PITPNC1: variants seen among roughly 807,000 people sequenced by gnomAD.
The protein encoded by PITPNC1 is cytoplasmic phosphatidylinositol transfer protein 1.
Under a neutral mutation model 44.7 loss-of-function variants are expected in PITPNC1, and 18 were observed. The observed-to-expected ratio is 0.40, with a 90% CI of 0.28 to 0.60. PITPNC1 has a LOEUF of 0.60. Ranked by LOEUF, PITPNC1 falls within the 20% of genes least tolerant of loss-of-function variation. PITPNC1 has a pLI of 0.39. For missense variants in PITPNC1, 290 were observed against 418.4 expected, an observed-to-expected ratio of 0.69 and a Z score of 2.68; for synonymous variants, 141 against 149.6, an observed-to-expected ratio of 0.94 and a Z score of 0.42.
At chr17:67,391,554 C>T (rs2038139643) in intron 1 of PITPNC1, among the ~76,000 whole-genome samples, 1 of 152,088 alleles carries the variant, frequency 6.6e-6, no homozygotes, top group Non-Finnish European at 1.5e-5. Flanking sequence ...GATCTTGGCT[C>T]ACTGCAACCT....
chr17:67,655,565 A>AG (rs2042255852), intron 6 of PITPNC1, among the ~76,000 whole-genome samples: 1 of 139,140 alleles, frequency 7.2e-6, no homozygotes, highest in Admixed American at 8.1e-5. Flanking sequence ...TCTCAAAAAA[A>AG]AAAAAAAAAA....
intron 6 of PITPNC1, among the ~76,000 whole-genome samples, chr17:67,651,507 C>T (rs1016101387): frequency 5.5e-5 from 8 of 144,670 alleles, no homozygotes; most frequent in East Asian, 4.1e-4. Flanking sequence ...AATGAGACTC[C>T]GTCTAAAAAA....
chr17:67,430,718 C>T (rs1364190407), intron 1 of PITPNC1, among the ~76,000 whole-genome samples: 1 of 151,300 alleles, frequency 6.6e-6, no homozygotes, highest in Non-Finnish European at 1.5e-5. Context: ...ACTTGGGAGG[C>T]TGAGGTGGGA....
chr17:67,503,626 G>A (rs1056823242), intron 1 of PITPNC1, among the ~76,000 whole-genome samples: 2 of 152,114 alleles, frequency 1.3e-5, no homozygotes, highest in Admixed American at 6.6e-5. Context: ...ATCACAAAGC[G>A]ATTACCCAGT....
intron 1 of PITPNC1, among the ~76,000 whole-genome samples, chr17:67,470,576 TG>T (rs149004177): frequency 2.6e-5 from 4 of 151,248 alleles, no homozygotes; most frequent in African/African-American, 7.3e-5. Context: ...GGGAGGGAGG[TG>T]GGGGGGGTCA....
intron 1 of PITPNC1, among the ~76,000 whole-genome samples, chr17:67,437,075 A>G (rs2038948805): frequency 6.6e-6 from 1 of 151,508 alleles, no homozygotes; most frequent in South Asian, 2.1e-4. Flanking sequence ...TTGCACCACC[A>G]TGGCTGGCTA....
In PITPNC1 at chr17:67,502,104, G is replaced by A. The variant is rs568350042; in HGVS notation, c.49-30698G>A. ...GTTGTAGTTGAAGCACATTAGATGT[G>A]TCTTCGTGTTCTGCACTCTGAAGAC... is the stretch of plus-strand genomic sequence containing the variant. On this transcript the variant is annotated intron_variant, in intron 1 of 8. Transcript: ENST00000581322. Among the ~76,000 whole-genome samples, 13 of 152,318 alleles carry A rather than the reference G, an allele frequency of 8.5e-5. No homozygotes were observed. In the East Asian group the frequency reaches 1.7e-3, roughly 20 times the overall value.
intron 1 of PITPNC1, among the ~76,000 whole-genome samples, chr17:67,403,914 T>C (rs2038359479): frequency 6.6e-6 from 1 of 152,000 alleles, no homozygotes; most frequent in South Asian, 2.1e-4. Context: ...CCCAGCTACT[T>C]GGGAGGCTGA....
intron 1 of PITPNC1, among the ~76,000 whole-genome samples, chr17:67,411,090 A>AG: frequency 6.6e-6 from 1 of 151,952 alleles, no homozygotes; most frequent in South Asian, 2.1e-4. Context: ...CTCAAAAAAA[A>AG]AAAAAAAATA....
intron 1 of PITPNC1, among the ~76,000 whole-genome samples, chr17:67,379,624 C>T (rs1213879370): frequency 6.6e-6 from 1 of 152,086 alleles, no homozygotes; most frequent in Non-Finnish European, 1.5e-5. Context: ...AGTGGAGAAG[C>T]AGGACATAGC....
At chr17:67,475,599 G>A (rs2039614945) in intron 1 of PITPNC1, among the ~76,000 whole-genome samples, 1 of 152,186 alleles carries the variant, frequency 6.6e-6, no homozygotes, top group African/African-American at 2.4e-5. Flanking sequence ...TTGGTGGCTG[G>A]CAGAACTGAT....
chr17:67,473,838 G>A (rs1325736128), intron 1 of PITPNC1, among the ~76,000 whole-genome samples: 1 of 152,132 alleles, frequency 6.6e-6, no homozygotes, highest in Non-Finnish European at 1.5e-5. Flanking sequence ...AGTGGACCCT[G>A]CCTGCAGCTA....
chr17:67,462,133 G>C lies in PITPNC1; in HGVS notation c.49-70669G>C, dbSNP rs576895320. The stretch of plus-strand genomic sequence containing the variant: ...GTTTATTTGCTTGGTCCTTTGAACA[G>C]GAAGAGAGTTATGTTTATTATGGGT... On this transcript the variant is annotated intron_variant, in intron 1 of 8. Transcript: ENST00000581322. 9.2e-5 allele frequency among the ~76,000 whole-genome samples: 14 copies of C among 151,506 alleles called. No homozygotes were observed. The East Asian group carries it at 2.5e-3, about 27-fold the overall frequency.
chr17:67,686,031 A>G (rs772581307), intron 8 of PITPNC1, among the ~76,000 whole-genome samples: 42 of 151,620 alleles, frequency 2.8e-4, no homozygotes, highest in Non-Finnish European at 4.7e-4. Context: ...GTGTTTCACC[A>G]TGTTGTCCAG....
At chr17:67,655,937 A>C (rs2042261681) in intron 6 of PITPNC1, among the ~76,000 whole-genome samples, 1 of 152,180 alleles carries the variant, frequency 6.6e-6, no homozygotes, top group Non-Finnish European at 1.5e-5. Flanking sequence ...TTGCAAAAAA[A>C]CCCAAAAAGT....
intron 1 of PITPNC1, among the ~76,000 whole-genome samples, chr17:67,445,742 A>G (rs764618559): frequency 6.6e-6 from 1 of 152,048 alleles, no homozygotes; most frequent in Admixed American, 6.6e-5. Context: ...TGAATAACAG[A>G]GCGAAACTTT....
At chr17:67,397,679 C>A (rs939738372) in intron 1 of PITPNC1, among the ~76,000 whole-genome samples, 1 of 152,164 alleles carries the variant, frequency 6.6e-6, no homozygotes. Flanking sequence ...ACTTTGCAGC[C>A]ACCTCAAGAC....
chr17:67,492,969 T>C (rs4790972), intron 1 of PITPNC1, among the ~76,000 whole-genome samples: 77,826 of 152,042 alleles, frequency 0.51, 19,937 homozygotes, highest in East Asian at 0.62. Flanking sequence ...TTCGTTCCTT[T>C]CTGATGAATA....
At chr17:67,428,839 CTTTTTTT>C (rs369624053) in intron 1 of PITPNC1, among the ~76,000 whole-genome samples, 3 of 113,184 alleles carry the variant, frequency 2.7e-5, no homozygotes, top group Non-Finnish European at 3.5e-5. Flanking sequence ...ACTTGTCTTG[CTTTTTTT>C]TTTTTTTTTT....
Sources: gnomAD v4.1 joint callset for allele counts (sites outside exome capture counted in the v4.1 genomes callset) on GRCh38, gnomAD v4.1.1 for gene constraint, MANE v1.5 for transcripts, NCBI Gene and HGNC (gene_info 2026-07-23, HGNC 2026-07-21) for gene names.